LOXHD1: variants seen among roughly 807,000 people sequenced by gnomAD.
The protein encoded by LOXHD1 is lipoxygenase homology PLAT domains 1, also known as lipoxygenase homology domain-containing protein 1.
LOXHD1 carries 205 observed loss-of-function variants against 248.2 expected under a neutral mutation model. The observed-to-expected ratio is 0.83, with a 90% CI of 0.74 to 0.93. The LOEUF (loss-of-function observed/expected upper bound fraction) is 0.93, where lower values mean the gene tolerates loss of function less well. Among genes scored for constraint, LOXHD1 ranks in the 40% least tolerant of loss-of-function variants. LOXHD1 has a pLI of 0.00. For missense variants in LOXHD1, 2,930 were observed against 2,971.6 expected, an observed-to-expected ratio of 0.99 and a Z score of 0.33; for synonymous variants, 1,113 against 1,162.8, an observed-to-expected ratio of 0.96 and a Z score of 0.87.
chr18:46,547,845 G>T (rs1017671574), intron 21 of LOXHD1, among the ~76,000 whole-genome samples: 1 of 152,132 alleles, frequency 6.6e-6, no homozygotes, highest in Admixed American at 6.5e-5. Context: ...AATGCATAAC[G>T]TTTTAAGTGT....
chr18:46,546,806 A>C, intron 22 of LOXHD1, 89 bp downstream of exon 22: 1 of 1,411,978 alleles, frequency 7.1e-7, no homozygotes, highest in South Asian at 1.4e-5. Flanking sequence ...CAGAGCCCAC[A>C]GGGGAGGGAA....
At chr18:46,493,803 T>G (rs1471242318) in intron 37 of LOXHD1, among the ~76,000 whole-genome samples, 1 of 152,208 alleles carries the variant, frequency 6.6e-6, no homozygotes, top group Non-Finnish European at 1.5e-5. Context: ...CATCTCTGCC[T>G]GCGGTTCCCC....
intron 18 of LOXHD1, among the ~76,000 whole-genome samples, chr18:46,562,352 C>T (rs1287528167): frequency 1.3e-5 from 2 of 152,214 alleles, no homozygotes; most frequent in Non-Finnish European, 2.9e-5. Context: ...GAACATGCTG[C>T]CTGCACACAT....
chr18:46,613,959 C>T (rs879606048), intron 5 of LOXHD1, among the ~76,000 whole-genome samples: 3 of 152,154 alleles, frequency 2.0e-5, no homozygotes, highest in African/African-American at 7.2e-5. Context: ...AGGTCTTTCA[C>T]ATGACAAAAT....
chr18:46,562,965 T>A (rs2037560743), intron 18 of LOXHD1, 100 bp downstream of exon 18: 1 of 1,364,246 alleles, frequency 7.3e-7, no homozygotes, highest in African/African-American at 1.4e-5. Context: ...GGCAGCCCAT[T>A]CTCGGGTGAG....
intron 31 of LOXHD1, among the ~76,000 whole-genome samples, chr18:46,524,066 C>T (rs1034543467): frequency 4.6e-5 from 7 of 152,256 alleles, no homozygotes; most frequent in South Asian, 4.1e-4. Flanking sequence ...CTGGCTTGTC[C>T]AAGGCCACAC....
chr18:46,577,986 T>G lies in LOXHD1; in HGVS notation c.1810-119A>C. On this transcript the variant is annotated intron_variant, in intron 13 of 40. Transcript: ENST00000642948. ...GAGCTGATGGGTTAGGCAACTCCTC[T>G]TTCACACATGGGACAGGAGCTACCT... is the stretch of plus-strand genomic sequence containing the variant. 6 of 1,037,346 alleles carry G rather than the reference T, an allele frequency of 5.8e-6. No homozygotes were observed. In the South Asian group the frequency reaches 8.7e-5, roughly 15 times the overall value. The allele number at this position is 1,037,346 out of a possible 1,614,324, so 64.3% of individuals were successfully genotyped here.
Position 46,579,724 on chromosome 18 carries a change from T to G in LOXHD1, c.1715A>C (p.Asn572Thr). Residue 572 changes from asparagine to threonine, a missense_variant, in exon 13 of 41, where the codon AAC (asparagine) becomes ACC (threonine). Physicochemically the swap from Asn to Thr is moderately conservative, Grantham distance 65. Transcript: ENST00000642948. ...ATCACCAAAAAGGCAGAGATAGACG[T>G]TGGCATCGGTCCCAGCACCTTCAAG... ...GELEGAGTDA[N>T]VYLCLFGDVG... 1 of 1,551,790 alleles carries G rather than the reference T, an allele frequency of 6.4e-7. No individual in the cohort carries two copies. The highest frequency in any genetic ancestry group is 8.7e-7 in the Non-Finnish European group (1 of 1,147,004).
chr18:46,641,323 TA>T (rs1311977360), intron 3 of LOXHD1, among the ~76,000 whole-genome samples: 3 of 152,110 alleles, frequency 2.0e-5, no homozygotes, highest in East Asian at 1.9e-4. Flanking sequence ...TGAACTTGAA[TA>T]GGGGTGGATG....
At chr18:46,617,791 T>G (rs983736836) in intron 5 of LOXHD1, among the ~76,000 whole-genome samples, 1 of 152,304 alleles carries the variant, frequency 6.6e-6, no homozygotes, top group South Asian at 2.1e-4. Context: ...CATTCTGTTC[T>G]GCCCCAAACT....
intron 12 of LOXHD1, among the ~76,000 whole-genome samples, chr18:46,583,904 C>G (rs574609450): frequency 1.3e-5 from 2 of 151,860 alleles, no homozygotes; most frequent in Admixed American, 1.3e-4. Context: ...ATGTTTATTG[C>G]ATCATCACTA....
chr18:46,583,448 G>T (rs2038000048), intron 12 of LOXHD1, among the ~76,000 whole-genome samples: 1 of 151,962 alleles, frequency 6.6e-6, no homozygotes. Context: ...TTAATATTTA[G>T]AATATATAAG....
At chr18:46,595,909 A>G (rs767453140) in intron 8 of LOXHD1, among the ~76,000 whole-genome samples, 3 of 152,168 alleles carry the variant, frequency 2.0e-5, no homozygotes, top group Non-Finnish European at 2.9e-5. Flanking sequence ...GTAAAATCCT[A>G]AAAGTCTGAG....
chr18:46,559,664 G>A (rs2037469175), intron 19 of LOXHD1, 62 bp from the exon 20 acceptor site: 1 of 1,508,076 alleles, frequency 6.6e-7, no homozygotes, highest in Non-Finnish European at 9.0e-7. Context: ...TGGACCTGAG[G>A]CACAGCCTCT....
At chr18:46,576,848 C>T (rs1011001044) in intron 14 of LOXHD1, among the ~76,000 whole-genome samples, 2 of 152,164 alleles carry the variant, frequency 1.3e-5, no homozygotes. Flanking sequence ...CCTGTAGGCA[C>T]AGGCATGCAT....
At chr18:46,566,610 C>T (rs945716807) in intron 16 of LOXHD1, among the ~76,000 whole-genome samples, 161 bp from the exon 17 acceptor site, 1 of 152,324 alleles carries the variant, frequency 6.6e-6, no homozygotes, top group Admixed American at 6.5e-5. Context: ...TCCTGCCCCA[C>T]CATCAGCCAG....
chr18:46,615,618 G>C (rs1198806784), intron 5 of LOXHD1, among the ~76,000 whole-genome samples: 3 of 152,052 alleles, frequency 2.0e-5, no homozygotes, highest in Non-Finnish European at 4.4e-5. Flanking sequence ...CTTGCTTTGT[G>C]ATTTTGTATA....
intron 40 of LOXHD1, among the ~76,000 whole-genome samples, chr18:46,483,054 A>G (rs767871147): frequency 9.2e-5 from 14 of 152,142 alleles, no homozygotes; most frequent in Non-Finnish European, 1.3e-4. Flanking sequence ...AAGACCCTTA[A>G]TCTTCCAGAA....
chr18:46,629,561 C>G (rs2038791602), intron 4 of LOXHD1, among the ~76,000 whole-genome samples: 1 of 152,148 alleles, frequency 6.6e-6, no homozygotes, highest in Non-Finnish European at 1.5e-5. Context: ...CAAATGCACC[C>G]TGGGCACTAC....
Sources: allele counts gnomAD v4.1 joint callset (sites outside exome capture counted in the v4.1 genomes callset), GRCh38; gene constraint gnomAD v4.1.1; transcripts MANE v1.5; gene names NCBI Gene and HGNC (gene_info 2026-07-23, HGNC 2026-07-21).